Variants in PDE7A observed in about 807,000 individuals in gnomAD.
The protein encoded by PDE7A is high affinity 3',5'-cyclic-AMP phosphodiesterase 7A.
In PDE7A, 39 loss-of-function variants were observed where a neutral mutation model predicts 64.3. The observed-to-expected ratio is 0.61, with a 90% CI of 0.47 to 0.79. The LOEUF (loss-of-function observed/expected upper bound fraction) is 0.79. Among genes scored for constraint, PDE7A ranks in the 30% least tolerant of loss-of-function variants. The probability of loss-of-function intolerance (pLI) is 0.00; values close to 1 mark genes in which losing one functional copy is unlikely to be tolerated. For missense variants in PDE7A, 470 were observed against 582.8 expected (o/e 0.81, Z 1.99); for synonymous variants, 203 against 206.8 (o/e 0.98, Z 0.16).
chr8:65,805,050 C>T (rs551558296), intron 1 of PDE7A, among the ~76,000 whole-genome samples: 113 of 152,158 alleles, frequency 7.4e-4, no homozygotes, highest in African/African-American at 2.2e-3. Flanking sequence ...CCCTATATTG[C>T]CCAGGCTGAT....
intron 1 of PDE7A, among the ~76,000 whole-genome samples, chr8:65,793,490 A>G (rs1809755841): frequency 6.6e-6 from 1 of 152,074 alleles, no homozygotes; most frequent in Non-Finnish European, 1.5e-5. Flanking sequence ...TTCCTAAAAA[A>G]AAAAAAAAAG....
Position 65,727,268 on chromosome 8 carries a change from G to A in PDE7A, c.730C>T (p.Leu244=). The A allele has an allele frequency of 6.2e-7, 1 of 1,613,420 alleles. No individual in the cohort carries two copies. Among genetic ancestry groups the A allele is most frequent in the Non-Finnish European group, 8.5e-7 (1 of 1,179,412 alleles). The change falls in exon 8 of 13, where the codon CTG becomes TTG. Residue 244 remains leucine, a synonymous_variant. Transcript: ENST00000401827. ...ANSVTPWDIL[L]SLIAAATHDL... ...TGAGTGGCAGCTGCAATTAAGCTCA[G>A]CAAGATATCCCAAGGAGTTACAGAA...
chr8:65,803,649 T>C (rs1452567151), intron 1 of PDE7A, among the ~76,000 whole-genome samples: 1 of 152,232 alleles, frequency 6.6e-6, no homozygotes, highest in Admixed American at 6.5e-5. Context: ...GATAGGCCTT[T>C]TTCTTCTGGT....
At chr8:65,772,693 G>A (rs896085868) in intron 3 of PDE7A, among the ~76,000 whole-genome samples, 2 of 152,212 alleles carry the variant, frequency 1.3e-5, no homozygotes, top group African/African-American at 2.4e-5. Flanking sequence ...CAACTTTACT[G>A]TGCATAAACT....
intron 6 of PDE7A, among the ~76,000 whole-genome samples, chr8:65,738,514 A>G (rs1807253376): frequency 6.6e-6 from 1 of 152,280 alleles, no homozygotes; most frequent in Non-Finnish European, 1.5e-5. Flanking sequence ...GCCTATTACA[A>G]GAAGGAAGAC....
At chr8:65,814,302 G>T (rs1810330181) in intron 1 of PDE7A, among the ~76,000 whole-genome samples, 1 of 151,634 alleles carries the variant, frequency 6.6e-6, no homozygotes, top group Non-Finnish European at 1.5e-5. Flanking sequence ...ACGAGGTCAG[G>T]AGATCGAGAC....
chr8:65,730,726 G>A (rs746206281), intron 7 of PDE7A, among the ~76,000 whole-genome samples: 12 of 151,894 alleles, frequency 7.9e-5, no homozygotes, highest in South Asian at 4.2e-4. Flanking sequence ...TCAGGAGTTC[G>A]AGACTAGCCT....
chr8:65,771,605 G>A (rs1455412591), intron 3 of PDE7A, among the ~76,000 whole-genome samples: 1 of 152,092 alleles, frequency 6.6e-6, no homozygotes, highest in East Asian at 1.9e-4. Flanking sequence ...GGCTCACGCG[G>A]TGGCTCACGC....
At chr8:65,784,900 A>G (rs1055103222) in intron 1 of PDE7A, among the ~76,000 whole-genome samples, 1 of 152,126 alleles carries the variant, frequency 6.6e-6, no homozygotes, top group Non-Finnish European at 1.5e-5. Context: ...GTATTTTTAC[A>G]TATCAGATTA....
intron 1 of PDE7A, among the ~76,000 whole-genome samples, chr8:65,811,522 T>C (rs569044705): frequency 1.3e-5 from 2 of 152,254 alleles, no homozygotes; most frequent in African/African-American, 4.8e-5. Flanking sequence ...TTAGCCTCTT[T>C]CAGCAGAGAG....
chr8:65,832,050 T>C (rs1036692602), intron 1 of PDE7A, among the ~76,000 whole-genome samples: 1 of 152,226 alleles, frequency 6.6e-6, no homozygotes, highest in Non-Finnish European at 1.5e-5. Context: ...TATTCTGTTA[T>C]TTGTTTTTTA....
intron 1 of PDE7A, among the ~76,000 whole-genome samples, chr8:65,804,671 A>C (rs1314971498): frequency 6.7e-6 from 1 of 149,676 alleles, no homozygotes; most frequent in Admixed American, 6.7e-5. Context: ...CCAAGTAGCC[A>C]GGATTACAGG....
intron 1 of PDE7A, among the ~76,000 whole-genome samples, chr8:65,795,398 G>T (rs1809811942): frequency 6.6e-6 from 1 of 152,218 alleles, no homozygotes; most frequent in Admixed American, 6.5e-5. Flanking sequence ...ATGCCAGAGA[G>T]GAGGGAGCTG....
chr8:65,757,354 G>C (rs1026794819), intron 3 of PDE7A, among the ~76,000 whole-genome samples: 1 of 152,166 alleles, frequency 6.6e-6, no homozygotes, highest in Non-Finnish European at 1.5e-5. Context: ...AATACCACAG[G>C]TCATCCCCTG....
At position 65,841,615 on chromosome 8, in the gene PDE7A, G is replaced by C; in HGVS notation, c.-107C>G. On this transcript the variant is annotated 5_prime_UTR_variant, in exon 1 of 13. Coordinates refer to ENST00000401827, the MANE Select transcript of PDE7A (RefSeq NM_001242318.3). Reference sequence around the variant, plus strand: ...GGGGCTCCGGGCCGAGACGGGGGCAGGGCGGGCGGGGACCGACCCCGGGCT... The same window carrying C: ...GGGGCTCCGGGCCGAGACGGGGGCACGGCGGGCGGGGACCGACCCCGGGCT... 1 of 375,664 alleles carries C rather than the reference G, an allele frequency of 2.7e-6. No homozygotes were observed. The highest frequency in any genetic ancestry group is 4.0e-6 in the Non-Finnish European group (1 of 251,400). The allele number at this position is 375,664 out of a possible 1,614,324, so 23.3% of individuals were successfully genotyped here. A position where few individuals can be genotyped will look rare whatever the true frequency, so the allele number is the denominator to read the frequency against.
chr8:65,752,825 C>A (rs564748863), intron 3 of PDE7A, among the ~76,000 whole-genome samples: 2 of 152,288 alleles, frequency 1.3e-5, no homozygotes, highest in South Asian at 4.1e-4. Context: ...CACTTTCTCT[C>A]CAATTCTTTT....
intron 1 of PDE7A, among the ~76,000 whole-genome samples, chr8:65,820,641 G>A (rs1810519899): frequency 6.6e-6 from 1 of 152,188 alleles, no homozygotes; most frequent in Non-Finnish European, 1.5e-5. Context: ...CCAGGCTGGA[G>A]TGCAGTGGCG....
At chr8:65,777,119 G>A (rs909107906) in intron 3 of PDE7A, among the ~76,000 whole-genome samples, 1 of 52,912 alleles carries the variant, frequency 1.9e-5, no homozygotes, top group Non-Finnish European at 3.5e-5. Context: ...TTTTGTTCTT[G>A]TTGCCCAGAC....
chr8:65,768,278 C>A (rs1808898721), intron 3 of PDE7A, among the ~76,000 whole-genome samples: 1 of 152,120 alleles, frequency 6.6e-6, no homozygotes, highest in Non-Finnish European at 1.5e-5. Context: ...TAGTATAATT[C>A]TGATATGGTT....
Sources: gnomAD v4.1 joint callset for allele counts (sites outside exome capture counted in the v4.1 genomes callset) on GRCh38, gnomAD v4.1.1 for gene constraint, MANE v1.5 for transcripts, NCBI Gene and HGNC (gene_info 2026-07-23, HGNC 2026-07-21) for gene names.